TENM4: variants seen among roughly 807,000 people sequenced by gnomAD.
TENM4 encodes teneurin transmembrane protein 4.
A neutral mutation model predicts 243.3 loss-of-function variants in TENM4; 82 were observed. The ratio of observed to expected loss-of-function variants is 0.34; its 90% CI spans 0.28 to 0.40. TENM4 has a LOEUF of 0.40. TENM4 is among the 10% of genes least tolerant of loss of function. The pLI is 1.00. For synonymous variants in TENM4, 1,412 were observed against 1,456.3 expected (o/e 0.97, Z 0.69); for missense variants, 3,138 against 3,673.3 (o/e 0.85, Z 3.77).
chr11:78,831,511 C>T lies in TENM4; in HGVS notation c.1682-17116G>A, dbSNP rs1043450182. Among the ~76,000 whole-genome samples the T allele has an allele frequency of 4.6e-5, 7 of 152,290 alleles. No homozygotes were observed. The East Asian group carries it at 7.7e-4, about 17-fold the overall frequency. Reference sequence around the variant, plus strand: ...TGATGGAGCAACATCTCAGGGAAGGCGAGGAAGGCATTGTCACTCAACCTT... The same window carrying T: ...TGATGGAGCAACATCTCAGGGAAGGTGAGGAAGGCATTGTCACTCAACCTT... On this transcript the variant is annotated intron_variant, in intron 12 of 33. Coordinates refer to ENST00000278550, the MANE Select transcript of TENM4 (RefSeq NM_001098816.3).
intron 6 of TENM4, among the ~76,000 whole-genome samples, chr11:78,992,352 G>A (rs894271526): frequency 6.6e-6 from 1 of 152,218 alleles, no homozygotes; most frequent in African/African-American, 2.4e-5. Flanking sequence ...AGTCCTCACT[G>A]AGTAGTCTAG....
At chr11:78,833,282 C>T (rs1858023838) in intron 12 of TENM4, among the ~76,000 whole-genome samples, 1 of 152,212 alleles carries the variant, frequency 6.6e-6, no homozygotes, top group African/African-American at 2.4e-5. Context: ...CCAGAATTCA[C>T]TTCAACATAT....
intron 3 of TENM4, among the ~76,000 whole-genome samples, chr11:79,212,853 C>G (rs1486124277): frequency 2.0e-5 from 3 of 152,182 alleles, no homozygotes; most frequent in Non-Finnish European, 4.4e-5. Context: ...CAGGAGGAGG[C>G]TAAGTTGGCA....
rs563452435 is a variant in TENM4 at position 78,866,023 on chromosome 11, C to T, written c.1085-2891G>A. On this transcript the variant is annotated intron_variant, in intron 9 of 33. Transcript: ENST00000278550. Reference sequence around the variant, plus strand: ...ATAATGAAATGACAATAGTCACTGACATTTATTGAGCACCTTTTTTGGTAC... The same window carrying T: ...ATAATGAAATGACAATAGTCACTGATATTTATTGAGCACCTTTTTTGGTAC... Among the ~76,000 whole-genome samples the T allele has an allele frequency of 3.9e-5, 6 of 152,340 alleles. No homozygotes were observed. In the South Asian group the frequency reaches 1.2e-3, roughly 32 times the overall value.
chr11:79,435,715 TGC>T (rs1859259354), intron 1 of TENM4, among the ~76,000 whole-genome samples: 1 of 152,188 alleles, frequency 6.6e-6, no homozygotes, highest in Admixed American at 6.5e-5. Context: ...GCACCACTGG[TGC>T]TTATCAAGTC....
intron 20 of TENM4, among the ~76,000 whole-genome samples, chr11:78,735,209 C>T (rs1039745096): frequency 6.6e-6 from 1 of 152,180 alleles, no homozygotes; most frequent in African/African-American, 2.4e-5. Context: ...TTGCCTGTTC[C>T]TCATTCACTT....
chr11:79,077,759 C>T (rs1027331425), intron 4 of TENM4, among the ~76,000 whole-genome samples: 1 of 151,672 alleles, frequency 6.6e-6, no homozygotes, highest in Non-Finnish European at 1.5e-5. Flanking sequence ...AGGGAGCAGC[C>T]TGGTAGAAGA....
intron 1 of TENM4, among the ~76,000 whole-genome samples, chr11:79,406,644 C>A (rs1310522618): frequency 6.6e-6 from 1 of 152,198 alleles, no homozygotes; most frequent in Admixed American, 6.5e-5. Context: ...TCTAGTCCAG[C>A]CTTCTCCATT....
chr11:79,309,953 G>C (rs1856691351), intron 1 of TENM4, among the ~76,000 whole-genome samples: 1 of 152,156 alleles, frequency 6.6e-6, no homozygotes, highest in Non-Finnish European at 1.5e-5. Context: ...GTCTGCCTGT[G>C]GGAGCCTGTC....
At chr11:79,365,401 G>T (rs1322991107) in intron 1 of TENM4, among the ~76,000 whole-genome samples, 4 of 152,068 alleles carry the variant, frequency 2.6e-5, no homozygotes, top group African/African-American at 9.7e-5. Flanking sequence ...ATGATTCCAG[G>T]ATCTTTTAAT....
At chr11:79,013,985 T>C (rs1378124274) in intron 6 of TENM4, among the ~76,000 whole-genome samples, 3 of 152,202 alleles carry the variant, frequency 2.0e-5, no homozygotes, top group Non-Finnish European at 2.9e-5. Flanking sequence ...ATTTTTTCTC[T>C]ATAGTCACTT....
chr11:78,751,266 C>T (rs1043559764), intron 19 of TENM4, among the ~76,000 whole-genome samples: 23 of 152,266 alleles, frequency 1.5e-4, no homozygotes, highest in African/African-American at 4.8e-4. Flanking sequence ...GTATAGGATA[C>T]GATTCTCTGC....
intron 3 of TENM4, among the ~76,000 whole-genome samples, chr11:79,199,014 G>C (rs1047629995): frequency 6.6e-6 from 1 of 152,182 alleles, no homozygotes; most frequent in Non-Finnish European, 1.5e-5. Flanking sequence ...GATGTTAGAC[G>C]CTGCAAGTTA....
intron 1 of TENM4, among the ~76,000 whole-genome samples, chr11:79,327,556 C>T (rs1479567371): frequency 6.6e-6 from 1 of 152,008 alleles, no homozygotes; most frequent in African/African-American, 2.4e-5. Flanking sequence ...ATTAACATTC[C>T]CATTTTACAG....
intron 1 of TENM4, among the ~76,000 whole-genome samples, chr11:79,425,903 C>T (rs188809171): frequency 6.6e-6 from 1 of 152,320 alleles, no homozygotes; most frequent in East Asian, 1.9e-4. Flanking sequence ...AACAAGGCAA[C>T]ATTTTGACTT....
At chr11:79,183,194 G>T in intron 3 of TENM4, among the ~76,000 whole-genome samples, 1 of 152,054 alleles carries the variant, frequency 6.6e-6, no homozygotes, top group East Asian at 1.9e-4. Context: ...AATAAACTGT[G>T]GTACATCCAG....
intron 3 of TENM4, among the ~76,000 whole-genome samples, chr11:79,207,631 G>A (rs541462111): frequency 1.3e-5 from 2 of 151,922 alleles, no homozygotes; most frequent in African/African-American, 2.4e-5. Flanking sequence ...TTGGGAGGCC[G>A]AGGCAGGTGG....
chr11:78,994,521 T>C (rs757549198), intron 6 of TENM4, among the ~76,000 whole-genome samples: 2 of 152,248 alleles, frequency 1.3e-5, no homozygotes, highest in Admixed American at 6.5e-5. Flanking sequence ...ATGTAACTTG[T>C]GTAGTTTTCT....
At chr11:79,345,292 G>A (rs549306174) in intron 1 of TENM4, among the ~76,000 whole-genome samples, 1 of 152,046 alleles carries the variant, frequency 6.6e-6, no homozygotes, top group Non-Finnish European at 1.5e-5. Context: ...CATTGTTCTT[G>A]GGTTTTCCTA....
Sources: gnomAD v4.1 joint callset for allele counts (sites outside exome capture counted in the v4.1 genomes callset) on GRCh38, gnomAD v4.1.1 for gene constraint, MANE v1.5 for transcripts, NCBI Gene and HGNC (gene_info 2026-07-23, HGNC 2026-07-21) for gene names.